LINGO2: variants seen among roughly 807,000 people sequenced by gnomAD.
The protein encoded by LINGO2 is leucine rich repeat and Ig domain containing 2, also known as leucine-rich repeat and immunoglobulin-like domain-containing nogo receptor-interacting protein 2.
A neutral mutation model predicts 30.6 loss-of-function variants in LINGO2; 14 were observed. The ratio of observed to expected loss-of-function variants is 0.46; its 90% confidence interval spans 0.30 to 0.72. LINGO2 has a LOEUF of 0.72. Ranked by LOEUF, LINGO2 falls within the 30% of genes least tolerant of loss-of-function variation. The pLI is 0.07. For missense variants in LINGO2, 729 were observed against 751.7 expected (o/e 0.97, Z 0.35); for synonymous variants, 317 against 288.5 (o/e 1.10, Z -1.00).
intron 4 of LINGO2, among the ~76,000 whole-genome samples, chr9:28,086,032 A>T (rs1450546676): frequency 1.3e-5 from 2 of 152,060 alleles, no homozygotes; most frequent in Admixed American, 1.3e-4. Context: ...GTATAAAAAT[A>T]TTTACATATG....
chr9:27,943,578 GTCTTAACTTTTAAA>G (rs1823249735), downstream of LINGO2: 1 of 149,664 alleles, frequency 6.7e-6, no homozygotes, highest in Non-Finnish European at 1.5e-5. Flanking sequence ...TGAATGGTAA[GTCTTAACTTTTAAA>G]GTGTTATGTG....
chr9:28,498,363 G>A (rs1409939372), intron 1 of LINGO2, among the ~76,000 whole-genome samples: 8 of 152,152 alleles, frequency 5.3e-5, no homozygotes, highest in East Asian at 3.9e-4. Flanking sequence ...AATGGCGGGC[G>A]CCCCTCCGCT....
chr9:28,103,667 T>A (rs978549527), intron 4 of LINGO2, among the ~76,000 whole-genome samples: 7 of 152,194 alleles, frequency 4.6e-5, no homozygotes, highest in Non-Finnish European at 8.8e-5. Flanking sequence ...TCAAGATTGC[T>A]GACCAAAAGA....
rs754104838 is a variant in LINGO2 at position 28,430,101 on chromosome 9, CGCGCGCGCGT to C, written c.-279+45829_-279+45838del. ...AGAGGGAGAGGCTGATTTCCACGCG[CGCGCGCGCGT>C]GTGTGTGTGTGTGTGTGTGATTCTG... is the stretch of plus-strand genomic sequence containing the variant. On this transcript the variant is annotated intron_variant, in intron 2 of 5. Coordinates refer to ENST00000379992, the Ensembl canonical transcript of LINGO2. 2.5e-3 allele frequency among the ~76,000 whole-genome samples: 191 copies of C among 77,044 alleles called. 1 individual carries two copies. Among genetic ancestry groups the C allele is most frequent in the Admixed American group, 3.2e-3 (29 of 9,198 alleles). The allele number at this position is 77,044 out of a possible 152,430, so 50.5% of individuals were successfully genotyped here.
rs561274392 is a variant in LINGO2 at position 28,581,531 on chromosome 9, T to C, written c.-365+88669A>G. On this transcript the variant is annotated intron_variant, in intron 1 of 5. Coordinates refer to ENST00000379992, the Ensembl canonical transcript of LINGO2. ...TAAATTGTGATATATATATAGAATA[T>C]ATATATAGAAAGCAACATACAGATA... is the stretch of plus-strand genomic sequence containing the variant. Among the ~76,000 whole-genome samples, 10 of 151,506 alleles carry C rather than the reference T, an allele frequency of 6.6e-5. No homozygotes were observed. The East Asian group carries it at 1.9e-3, about 29-fold the overall frequency.
the LINGO2 span, among the ~76,000 whole-genome samples, chr9:29,006,429 A>G: frequency 6.6e-6 from 1 of 152,020 alleles, no homozygotes; most frequent in African/African-American, 2.4e-5. Context: ...CATCTCTTTA[A>G]TTAGTCCAAA....
chr9:29,017,500 T>C, the LINGO2 span, among the ~76,000 whole-genome samples: 175 of 152,156 alleles, frequency 1.2e-3, no homozygotes, highest in African/African-American at 4.0e-3. Context: ...TTAAAAATAA[T>C]AATGGGAGGG....
chr9:28,293,128 C>T (rs537270875), intron 4 of LINGO2, among the ~76,000 whole-genome samples: 17 of 151,046 alleles, frequency 1.1e-4, no homozygotes, highest in African/African-American at 3.6e-4. Flanking sequence ...GACAGGATCT[C>T]ACCCTGTCAC....
intron 1 of LINGO2, among the ~76,000 whole-genome samples, chr9:28,552,704 T>G (rs989799545): frequency 2.6e-5 from 4 of 151,750 alleles, no homozygotes; most frequent in African/African-American, 9.7e-5. Flanking sequence ...GGGATTTCTA[T>G]GTTTTAAGAC....
intron 4 of LINGO2, among the ~76,000 whole-genome samples, chr9:28,145,467 C>T (rs1281104156): frequency 6.6e-6 from 1 of 152,152 alleles, no homozygotes; most frequent in Admixed American, 6.5e-5. Context: ...AAGACTACCA[C>T]ATTATCATCT....
At chr9:28,783,303 G>T in the LINGO2 span, among the ~76,000 whole-genome samples, 1 of 151,928 alleles carries the variant, frequency 6.6e-6, no homozygotes, top group Non-Finnish European at 1.5e-5. Flanking sequence ...TATAACCTGT[G>T]CAAATCCTCC....
chr9:28,322,758 AAAT>A (rs1825093908), intron 3 of LINGO2, among the ~76,000 whole-genome samples: 1 of 152,178 alleles, frequency 6.6e-6, no homozygotes, highest in African/African-American at 2.4e-5. Flanking sequence ...TTTTCTCTCT[AAAT>A]AAAATCATAT....
the LINGO2 span, among the ~76,000 whole-genome samples, chr9:28,778,875 AT>A: frequency 1.3e-5 from 2 of 152,198 alleles, no homozygotes; most frequent in Non-Finnish European, 2.9e-5. Flanking sequence ...AAAACAGCAA[AT>A]ACATGGAAGC....
chr9:28,404,487 C>A (rs1347854768), intron 2 of LINGO2, among the ~76,000 whole-genome samples: 1 of 152,104 alleles, frequency 6.6e-6, no homozygotes, highest in Non-Finnish European at 1.5e-5. Flanking sequence ...AAAGAATATT[C>A]TGTCAGAAAT....
Position 28,371,916 on chromosome 9 carries a change from A to T in LINGO2, c.-246+920T>A, listed in dbSNP as rs542787450. Among the ~76,000 whole-genome samples the T allele has an allele frequency of 2.6e-5, 4 of 152,310 alleles. No homozygotes were observed. The South Asian group carries it at 8.3e-4, about 32-fold the overall frequency. On this transcript the variant is annotated intron_variant, in intron 3 of 5. Coordinates refer to ENST00000379992, the Ensembl canonical transcript of LINGO2. ...TACCTGTTAGAATAGGTGAAGGTTT[A>T]TTGCTAGTAATAAGCAGAAAGTGCT... is the stretch of plus-strand genomic sequence containing the variant.
the LINGO2 span, among the ~76,000 whole-genome samples, chr9:29,046,286 A>G: frequency 6.6e-6 from 1 of 152,182 alleles, no homozygotes; most frequent in Admixed American, 6.5e-5. Flanking sequence ...GACAGCCTCA[A>G]TATGCAAGGC....
In LINGO2 at chr9:28,103,739, T is replaced by C. The variant is rs530389871; in HGVS notation, c.-86-91334A>G. The stretch of plus-strand genomic sequence containing the variant: ...TAAGTTGTGGGGTGACTTGACATAT[T>C]GTGAAAAATAATCAATACATGTACA... On this transcript the variant is annotated intron_variant, in intron 4 of 5. Transcript: ENST00000379992. 3.9e-5 allele frequency among the ~76,000 whole-genome samples: 6 copies of C among 152,340 alleles called. No individual in the cohort carries two copies. The South Asian group carries it at 1.2e-3, about 32-fold the overall frequency.
the LINGO2 span, among the ~76,000 whole-genome samples, chr9:29,056,439 G>A: frequency 6.6e-6 from 1 of 151,986 alleles, no homozygotes; most frequent in African/African-American, 2.4e-5. Context: ...TTTTGGATGG[G>A]ATTATTTTTT....
intron 4 of LINGO2, among the ~76,000 whole-genome samples, chr9:28,135,063 C>T (rs534297909): frequency 1.6e-4 from 25 of 152,200 alleles, no homozygotes; most frequent in African/African-American, 4.6e-4. Flanking sequence ...CATTCAACCA[C>T]GAGTAACAAA....
Sources: allele counts gnomAD v4.1 joint callset (sites outside exome capture counted in the v4.1 genomes callset), GRCh38; gene constraint gnomAD v4.1.1; transcripts MANE v1.5; gene names NCBI Gene and HGNC (gene_info 2026-07-23, HGNC 2026-07-21).